The following GALNT13 variants were observed in gnomAD, a reference collection of about 807,000 sequenced individuals.
The protein encoded by GALNT13 is UDP-GalNAc:polypeptide N-acetylgalactosaminyltransferase 13.
GALNT13 carries 28 observed loss-of-function variants against 64.2 expected under a neutral mutation model. That is an observed-to-expected ratio of 0.44 (90% CI 0.32 to 0.60). The LOEUF (loss-of-function observed/expected upper bound fraction) is 0.60, where lower values mean the gene tolerates loss of function less well. Among genes scored for constraint, GALNT13 ranks in the 20% least tolerant of loss-of-function variants. The probability of loss-of-function intolerance (pLI) is 0.05; values close to 1 mark genes in which losing one functional copy is unlikely to be tolerated. For missense variants in GALNT13, 577 were observed against 669.8 expected (o/e 0.86, Z 1.53); for synonymous variants, 214 against 224.6 (o/e 0.95, Z 0.42).
the GALNT13 span, among the ~76,000 whole-genome samples, chr2:153,695,401 T>G: frequency 6.6e-6 from 1 of 152,218 alleles, no homozygotes; most frequent in Non-Finnish European, 1.5e-5. Flanking sequence ...ATGTAAGTCT[T>G]TCTAAGTTTT....
intron 8 of GALNT13, among the ~76,000 whole-genome samples, chr2:154,275,659 G>A (rs1226369201): frequency 1.3e-5 from 2 of 152,154 alleles, no homozygotes; most frequent in Non-Finnish European, 2.9e-5. Flanking sequence ...GGGCAGTGTG[G>A]AATGGAAATG....
chr2:153,932,626 C>CTT (rs34617568), intron 2 of GALNT13, among the ~76,000 whole-genome samples: 14 of 95,652 alleles, frequency 1.5e-4, no homozygotes, highest in African/African-American at 2.6e-4. Context: ...TTCTGTCTTT[C>CTT]TTTTTTTTTT....
chr2:153,689,055 C>T, the GALNT13 span, among the ~76,000 whole-genome samples: 1 of 112,046 alleles, frequency 8.9e-6, no homozygotes, highest in East Asian at 2.9e-4. Context: ...GTAGATATTG[C>T]TAAACCGCGT....
the GALNT13 span, among the ~76,000 whole-genome samples, chr2:153,612,181 A>T: frequency 2.6e-5 from 4 of 152,116 alleles, no homozygotes; most frequent in Admixed American, 1.3e-4. Context: ...TTAAAAAGTC[A>T]GGAAACAACC....
the GALNT13 span, among the ~76,000 whole-genome samples, chr2:153,394,188 C>T: frequency 6.6e-6 from 1 of 152,058 alleles, no homozygotes; most frequent in Non-Finnish European, 1.5e-5. Flanking sequence ...TAGAGCAGAA[C>T]TCCAGCAACA....
chr2:154,033,197 A>G (rs2105310582), intron 3 of GALNT13, among the ~76,000 whole-genome samples: 1 of 152,180 alleles, frequency 6.6e-6, no homozygotes, highest in East Asian at 1.9e-4. Flanking sequence ...ATGTATTATA[A>G]GTCTGAATGT....
chr2:153,213,881 C>T, the GALNT13 span, among the ~76,000 whole-genome samples: 2 of 152,094 alleles, frequency 1.3e-5, no homozygotes, highest in African/African-American at 4.8e-5. Flanking sequence ...TCATTAGGAG[C>T]ATTAGTGCTT....
chr2:154,073,096 A>T (rs1700817905), intron 3 of GALNT13, among the ~76,000 whole-genome samples: 1 of 152,002 alleles, frequency 6.6e-6, no homozygotes, highest in East Asian at 1.9e-4. Context: ...GTAGTGGTTA[A>T]AATTTCTGAT....
At chr2:153,414,393 AAAAT>A in the GALNT13 span, among the ~76,000 whole-genome samples, 10 of 151,928 alleles carry the variant, frequency 6.6e-5, no homozygotes, top group South Asian at 1.7e-3. Context: ...AAATAAAAAA[AAAAT>A]AAAATAAAAA....
chr2:153,215,021 T>C, the GALNT13 span, among the ~76,000 whole-genome samples: 45,413 of 152,046 alleles, frequency 0.3, 6,964 homozygotes, highest in Middle Eastern at 0.42. Context: ...AGACCAGCTT[T>C]ATTATGACGA....
At chr2:153,226,455 A>C in the GALNT13 span, among the ~76,000 whole-genome samples, 1 of 152,218 alleles carries the variant, frequency 6.6e-6, no homozygotes, top group Admixed American at 6.5e-5. Flanking sequence ...AATCTGACAA[A>C]CACTATCTGA....
At position 154,212,059 on chromosome 2, in the gene GALNT13, C is replaced by A. The variant is rs1687803023; in HGVS notation, c.312-29971C>A. ...GGAAAATTGCATCTTTGGTGATACA[C>A]TCTCCAAAGAAACTTTACTAGCATA... On this transcript the variant is annotated intron_variant, in intron 4 of 12. Coordinates refer to ENST00000392825, the MANE Select transcript of GALNT13 (RefSeq NM_052917.4). Among the ~76,000 whole-genome samples, 4 of 152,204 alleles carry A rather than the reference C, an allele frequency of 2.6e-5. No individual in the cohort carries two copies. The South Asian group carries it at 8.3e-4, about 32-fold the overall frequency.
At chr2:153,763,456 A>T in the GALNT13 span, among the ~76,000 whole-genome samples, 8 of 152,162 alleles carry the variant, frequency 5.3e-5, no homozygotes, top group African/African-American at 1.9e-4. Context: ...TGTTGTCACG[A>T]TAGTGAATAA....
At chr2:153,247,235 G>A in the GALNT13 span, among the ~76,000 whole-genome samples, 1 of 152,270 alleles carries the variant, frequency 6.6e-6, no homozygotes, top group South Asian at 2.1e-4. Context: ...CGACAAAACA[G>A]AAAATTAGCA....
At chr2:154,262,889 A>G (rs1690775018) in intron 8 of GALNT13, among the ~76,000 whole-genome samples, 1 of 152,186 alleles carries the variant, frequency 6.6e-6, no homozygotes, top group Admixed American at 6.5e-5. Context: ...AAAATGAACC[A>G]AGAAAATTAT....
chr2:154,055,827 T>C (rs1394819142), intron 3 of GALNT13, among the ~76,000 whole-genome samples: 1 of 152,140 alleles, frequency 6.6e-6, no homozygotes, highest in East Asian at 1.9e-4. Context: ...TTTTAGAGGC[T>C]TGTGGCTTAA....
chr2:153,205,181 T>TA, the GALNT13 span, among the ~76,000 whole-genome samples: 1 of 151,626 alleles, frequency 6.6e-6, no homozygotes, highest in African/African-American at 2.4e-5. Context: ...TTTAGTGTTT[T>TA]TTTTTTTTTT....
intron 3 of GALNT13, among the ~76,000 whole-genome samples, chr2:154,019,993 T>C (rs962435164): frequency 6.6e-6 from 1 of 152,162 alleles, no homozygotes; most frequent in Non-Finnish European, 1.5e-5. Context: ...AGAATGATGG[T>C]TTCCATTTTC....
chr2:153,301,759 A>G, the GALNT13 span, among the ~76,000 whole-genome samples: 9 of 152,056 alleles, frequency 5.9e-5, no homozygotes, highest in Non-Finnish European at 1.2e-4. Flanking sequence ...GTGAGGTTAT[A>G]TGGTCTTTGT....
Sources: allele counts gnomAD v4.1 joint callset (sites outside exome capture counted in the v4.1 genomes callset), GRCh38; gene constraint gnomAD v4.1.1; transcripts MANE v1.5; gene names NCBI Gene and HGNC (gene_info 2026-07-23, HGNC 2026-07-21).